PRKCE: variants seen among roughly 807,000 people sequenced by gnomAD.
PRKCE encodes protein kinase C epsilon.
Under a neutral mutation model 85.4 loss-of-function variants are expected in PRKCE, and 16 were observed. The ratio of observed to expected loss-of-function variants is 0.19; its 90% CI spans 0.13 to 0.28. The LOEUF (loss-of-function observed/expected upper bound fraction) is 0.28. Ranked by LOEUF, PRKCE falls within the 10% of genes least tolerant of loss-of-function variation. The pLI is 1.00. For missense variants in PRKCE, 573 were observed against 975.2 expected (o/e 0.59, Z 5.49); for synonymous variants, 388 against 371.5 (o/e 1.04, Z -0.51).
intron 10 of PRKCE, among the ~76,000 whole-genome samples, chr2:46,077,450 A>G (rs1668661311): frequency 6.6e-6 from 1 of 152,236 alleles, no homozygotes; most frequent in African/African-American, 2.4e-5. Context: ...AGAACTAATC[A>G]TGTGAAAACC....
chr2:45,680,822 A>G (rs566141540), intron 1 of PRKCE, among the ~76,000 whole-genome samples: 1 of 152,336 alleles, frequency 6.6e-6, no homozygotes, highest in African/African-American at 2.4e-5. Context: ...AACACATGTA[A>G]AACAATTAGA....
chr2:45,802,060 G>A (rs189282382), intron 1 of PRKCE, among the ~76,000 whole-genome samples: 10 of 150,484 alleles, frequency 6.6e-5, no homozygotes, highest in Admixed American at 6.6e-4. Context: ...GAACAACCTG[G>A]GCAACATAAC....
chr2:45,935,067 T>TCAAACA (rs1553453523), intron 2 of PRKCE, among the ~76,000 whole-genome samples: 1 of 146,248 alleles, frequency 6.8e-6, no homozygotes, highest in African/African-American at 2.6e-5. Context: ...ACTCTCTCTC[T>TCAAACA]CACACACACA....
intron 1 of PRKCE, among the ~76,000 whole-genome samples, chr2:45,661,786 G>A (rs1436605589): frequency 1.3e-5 from 2 of 150,078 alleles, no homozygotes; most frequent in Non-Finnish European, 1.5e-5. Flanking sequence ...TGATCCACCC[G>A]CCTTGGCCTC....
At chr2:45,673,231 C>T (rs1369669915) in intron 1 of PRKCE, among the ~76,000 whole-genome samples, 1 of 152,160 alleles carries the variant, frequency 6.6e-6, no homozygotes, top group Non-Finnish European at 1.5e-5. Flanking sequence ...GTAACTCTTC[C>T]CTTGGAGCAG....
intron 1 of PRKCE, among the ~76,000 whole-genome samples, chr2:45,713,684 G>A (rs1241117517): frequency 6.6e-6 from 1 of 152,190 alleles, no homozygotes; most frequent in Non-Finnish European, 1.5e-5. Flanking sequence ...CAAGAAGGGG[G>A]AAGGCAGAAA....
rs1553445443 is a variant in PRKCE, at chr2:45,903,887, T to TTTGTTTG, written c.412+60826_412+60827insGTTTGTT. On this transcript the variant is annotated intron_variant, in intron 2 of 14. Transcript: ENST00000306156. ...GAGAGCTTGTAGCCTGGCAGTTTTT[T>TTTGTTTG]TTTGTTTGTTTGTTTGTTTGTTTGT... Among the ~76,000 whole-genome samples, 10 of 102,682 alleles carry TTTGTTTG rather than the reference T, an allele frequency of 9.7e-5. 1 individual carries two copies. The highest frequency in any genetic ancestry group is 3.6e-4 in the African/African-American group (10 of 28,086). The allele number at this position is 102,682 out of a possible 152,430, so 67.4% of individuals were successfully genotyped here.
At chr2:45,707,153 G>A (rs1358969345) in intron 1 of PRKCE, among the ~76,000 whole-genome samples, 3 of 152,154 alleles carry the variant, frequency 2.0e-5, no homozygotes, top group Admixed American at 6.5e-5. Flanking sequence ...GAAGTCCCTC[G>A]TGGATCGCAG....
chr2:46,125,396 G>A (rs1012260743), intron 11 of PRKCE, among the ~76,000 whole-genome samples: 2 of 152,202 alleles, frequency 1.3e-5, no homozygotes, highest in African/African-American at 4.8e-5. Context: ...TTAGGTAACA[G>A]TGACTGGATT....
chr2:45,900,638 C>A (rs1696505398), intron 2 of PRKCE, among the ~76,000 whole-genome samples: 2 of 152,026 alleles, frequency 1.3e-5, no homozygotes, highest in Admixed American at 6.5e-5. Flanking sequence ...GACTATTGTT[C>A]AATGGTAGAG....
At chr2:45,850,782 A>G (rs187028687) in intron 2 of PRKCE, among the ~76,000 whole-genome samples, 1 of 152,122 alleles carries the variant, frequency 6.6e-6, no homozygotes, top group African/African-American at 2.4e-5. Context: ...AGGGGTGTAC[A>G]TGTGCCCAAG....
At chr2:45,776,015 G>A (rs1292287819) in intron 1 of PRKCE, among the ~76,000 whole-genome samples, 1 of 152,060 alleles carries the variant, frequency 6.6e-6, no homozygotes, top group Non-Finnish European at 1.5e-5. Context: ...CCACAATAAG[G>A]CATACCCTGA....
chr2:45,729,824 C>T (rs903942160), intron 1 of PRKCE, among the ~76,000 whole-genome samples: 5 of 152,176 alleles, frequency 3.3e-5, no homozygotes, highest in Admixed American at 1.3e-4. Flanking sequence ...AGAACTAGTA[C>T]GTCCACCTTG....
intron 2 of PRKCE, among the ~76,000 whole-genome samples, chr2:45,967,554 C>G (rs1701815652): frequency 6.6e-6 from 1 of 152,102 alleles, no homozygotes; most frequent in Non-Finnish European, 1.5e-5. Flanking sequence ...TAGTCAAGGT[C>G]AGGACTATGG....
chr2:46,023,354 A>T (rs1243279212), intron 10 of PRKCE, among the ~76,000 whole-genome samples: 1 of 152,226 alleles, frequency 6.6e-6, no homozygotes, highest in Non-Finnish European at 1.5e-5. Context: ...CCAACCCTGT[A>T]ACCTGTTTAG....
At chr2:45,886,388 A>G (rs902730453) in intron 2 of PRKCE, among the ~76,000 whole-genome samples, 3 of 152,204 alleles carry the variant, frequency 2.0e-5, no homozygotes, top group Admixed American at 2.0e-4. Context: ...ATCTTAGAGC[A>G]CACTATGAGA....
At chr2:45,794,848 C>CCCG (rs1553412989) in intron 1 of PRKCE, among the ~76,000 whole-genome samples, 1 of 144,042 alleles carries the variant, frequency 6.9e-6, no homozygotes, top group African/African-American at 2.7e-5. Context: ...TTGCCCTACC[C>CCCG]CCCCCCCCAT....
intron 7 of PRKCE, among the ~76,000 whole-genome samples, chr2:46,003,020 A>C (rs959600758): frequency 3.3e-5 from 5 of 152,200 alleles, no homozygotes; most frequent in African/African-American, 1.2e-4. Flanking sequence ...GGAAGAACCA[A>C]CAGGTAAGAA....
chr2:45,994,382 C>G (rs1266726997), intron 6 of PRKCE, among the ~76,000 whole-genome samples: 1 of 152,078 alleles, frequency 6.6e-6, no homozygotes, highest in African/African-American at 2.4e-5. Flanking sequence ...CATGAATCTA[C>G]CATTATAGTA....
Sources: gnomAD v4.1 joint callset for allele counts (sites outside exome capture counted in the v4.1 genomes callset) on GRCh38, gnomAD v4.1.1 for gene constraint, MANE v1.5 for transcripts, NCBI Gene and HGNC (gene_info 2026-07-23, HGNC 2026-07-21) for gene names.